The following NXPE2 variants were observed in gnomAD, a reference collection of about 807,000 sequenced individuals.
NXPE2 encodes NXPE family member 2.
Under a neutral mutation model 34.4 loss-of-function variants are expected in NXPE2, and 34 were observed. The ratio of observed to expected loss-of-function variants is 0.99; its 90% CI spans 0.75 to 1.31. NXPE2 has a LOEUF of 1.31. Among genes scored for constraint, NXPE2 ranks in the 40% most tolerant of loss-of-function variants. The pLI is 0.00. For synonymous variants in NXPE2, 235 were observed against 231.3 expected (o/e 1.02, Z -0.15); for missense variants, 649 against 672.5 (o/e 0.97, Z 0.39).
chr11:114,747,518 T>G, the NXPE2 span, among the ~76,000 whole-genome samples: 1 of 152,212 alleles, frequency 6.6e-6, no homozygotes, highest in Non-Finnish European at 1.5e-5. Context: ...AGAGGTTTAA[T>G]TGACTCACAG....
the NXPE2 span, among the ~76,000 whole-genome samples, chr11:114,761,390 T>G: frequency 1.3e-5 from 2 of 152,118 alleles, no homozygotes; most frequent in Non-Finnish European, 2.9e-5. Flanking sequence ...ATTTGTCCAC[T>G]GAGCCTGACA....
chr11:114,472,785 C>G, the NXPE2 span, among the ~76,000 whole-genome samples: 1 of 152,110 alleles, frequency 6.6e-6, no homozygotes, highest in Non-Finnish European at 1.5e-5. Flanking sequence ...GCAACTGTTT[C>G]AAATGAAGCA....
chr11:114,657,577 G>C, the NXPE2 span, among the ~76,000 whole-genome samples: 1 of 151,604 alleles, frequency 6.6e-6, no homozygotes, highest in East Asian at 1.9e-4. Flanking sequence ...ATTTAATGTC[G>C]TATAATAGGA....
chr11:114,468,196 T>C, the NXPE2 span, among the ~76,000 whole-genome samples: 3 of 152,028 alleles, frequency 2.0e-5, no homozygotes, highest in Non-Finnish European at 2.9e-5. Flanking sequence ...GAATTTGTAT[T>C]GGGCTGCATT....
the NXPE2 span, among the ~76,000 whole-genome samples, chr11:114,764,626 T>G: frequency 6.6e-6 from 1 of 152,182 alleles, no homozygotes; most frequent in African/African-American, 2.4e-5. Context: ...AAGTATGTTT[T>G]GAATCACTTG....
chr11:114,701,954 G>A (rs1014796833), intron 3 of NXPE2, among the ~76,000 whole-genome samples: 1 of 152,072 alleles, frequency 6.6e-6, no homozygotes, highest in Admixed American at 6.5e-5. Context: ...ATGTGGTGGG[G>A]GTCCTGGAAC....
chr11:114,803,077 C>T, the NXPE2 span, among the ~76,000 whole-genome samples: 18 of 152,260 alleles, frequency 1.2e-4, no homozygotes, highest in East Asian at 7.7e-4. Flanking sequence ...GTCTACTCAG[C>T]GCTCTCCTGC....
chr11:114,471,634 T>G, the NXPE2 span, among the ~76,000 whole-genome samples: 21 of 152,188 alleles, frequency 1.4e-4, no homozygotes, highest in Non-Finnish European at 2.2e-4. Flanking sequence ...CATTCTAATA[T>G]AGTCAAGAAA....
At chr11:114,686,334 G>A (rs762079300) in intron 2 of NXPE2, among the ~76,000 whole-genome samples, 2 of 151,938 alleles carry the variant, frequency 1.3e-5, no homozygotes, top group South Asian at 2.1e-4. Flanking sequence ...TGTATCCAAC[G>A]TTTAGCTCTC....
chr11:114,527,956 G>T, the NXPE2 span: 4 of 1,348,250 alleles, frequency 3.0e-6, no homozygotes, highest in Non-Finnish European at 4.2e-6. Flanking sequence ...ATGTAACACA[G>T]GTGAATCATC....
At chr11:114,724,730 C>T in the NXPE2 span, among the ~76,000 whole-genome samples, 7 of 151,978 alleles carry the variant, frequency 4.6e-5, no homozygotes, top group African/African-American at 1.7e-4. Context: ...CTCAATTATG[C>T]CTCTGAACTA....
the NXPE2 span, among the ~76,000 whole-genome samples, chr11:114,473,571 A>G: frequency 1.3e-5 from 2 of 152,236 alleles, no homozygotes; most frequent in African/African-American, 2.4e-5. Flanking sequence ...GAGGTTATAA[A>G]ACTGATAAAC....
At chr11:114,573,097 G>A in the NXPE2 span, among the ~76,000 whole-genome samples, 1 of 152,068 alleles carries the variant, frequency 6.6e-6, no homozygotes, top group South Asian at 2.1e-4. Flanking sequence ...CAAGAATTTT[G>A]TATCCAGCAA....
the NXPE2 span, among the ~76,000 whole-genome samples, chr11:114,498,693 T>C: frequency 6.6e-6 from 1 of 152,126 alleles, no homozygotes; most frequent in Admixed American, 6.5e-5. Flanking sequence ...AATATTGCTT[T>C]CATTTTAATT....
the NXPE2 span, among the ~76,000 whole-genome samples, chr11:114,601,340 G>A: frequency 0.18 from 26,420 of 146,498 alleles, 2,738 homozygotes; most frequent in Non-Finnish European, 0.22. Context: ...GAGAATATGT[G>A]GTATTTGGTT....
chr11:114,639,736 A>AT, the NXPE2 span, among the ~76,000 whole-genome samples: 25 of 102,130 alleles, frequency 2.4e-4, 2 homozygotes, highest in African/African-American at 7.1e-4. Flanking sequence ...ATATAATATA[A>AT]AATAATATAT....
the NXPE2 span, among the ~76,000 whole-genome samples, chr11:114,571,675 A>G: frequency 6.6e-6 from 1 of 152,328 alleles, no homozygotes; most frequent in Admixed American, 6.5e-5. Context: ...AAGATGGTGG[A>G]TAGGAGGCAG....
chr11:114,677,299 C>T (rs4277143), upstream of NXPE2, among the ~76,000 whole-genome samples: 14,021 of 148,332 alleles, frequency 0.095, 765 homozygotes, highest in Middle Eastern at 0.2. Context: ...TAAAAATAAC[C>T]ATGTTAGGTG....
At chr11:114,594,891 T>C in the NXPE2 span, 18 of 584,686 alleles carry the variant, frequency 3.1e-5, no homozygotes, top group East Asian at 2.3e-4. Context: ...GATAAATAAC[T>C]CCCAGAAATA....
Sources: allele counts gnomAD v4.1 joint callset (sites outside exome capture counted in the v4.1 genomes callset), GRCh38; gene constraint gnomAD v4.1.1; transcripts MANE v1.5; gene names NCBI Gene and HGNC (gene_info 2026-07-23, HGNC 2026-07-21).